The following BFSP2 variants were observed in gnomAD, a reference collection of about 807,000 sequenced individuals.
BFSP2 encodes the protein beaded filament structural protein 2.
Under a neutral mutation model 44.9 loss-of-function variants are expected in BFSP2, and 38 were observed. That is an observed-to-expected ratio of 0.85 (90% CI 0.65 to 1.11). The LOEUF (loss-of-function observed/expected upper bound fraction) is 1.11. Among genes scored for constraint, BFSP2 ranks in the 50% least tolerant of loss-of-function variants. The probability of loss-of-function intolerance (pLI) is 0.00; values close to 1 mark genes in which losing one functional copy is unlikely to be tolerated. For synonymous variants in BFSP2, 197 were observed against 209.9 expected, an observed-to-expected ratio of 0.94 and a Z score of 0.53; for missense variants, 525 against 533.0, an observed-to-expected ratio of 0.99 and a Z score of 0.15.
At position 133,400,315 on chromosome 3, in the gene BFSP2, C is replaced by G; in HGVS notation, c.232C>G (p.Leu78Val). The change falls in exon 1 of 7, where the codon CTC becomes GTC. Residue 78 changes from leucine (L) to valine (V), a missense_variant. By Grantham distance (32) the Leu-to-Val change is conservative (BLOSUM62 1). Coordinates refer to ENST00000302334, the MANE Select transcript of BFSP2 (RefSeq NM_003571.4). This position sits in a 1 kb window ranked among gnomAD's most constrained non-coding sequence, Gnocchi z 4.0. ...GLGARVTRRA[L>V]GISSVFLQGL... Reference sequence around the variant, plus strand: ...GGGTGCCCGTGTGACCCGCCGGGCCCTCGGCATCAGCAGTGTCTTCCTTCA... The same window carrying G: ...GGGTGCCCGTGTGACCCGCCGGGCCGTCGGCATCAGCAGTGTCTTCCTTCA... 3 of 1,614,030 alleles carry G rather than the reference C, an allele frequency of 1.9e-6. No individual in the cohort carries two copies. Among genetic ancestry groups the G allele is most frequent in the Non-Finnish European group, 2.5e-6 (3 of 1,180,042 alleles).
chr3:133,404,510 A>G (rs1024874430), intron 1 of BFSP2, among the ~76,000 whole-genome samples: 5 of 152,316 alleles, frequency 3.3e-5, no homozygotes, highest in African/African-American at 9.6e-5. Context: ...CATCGGTCCA[A>G]TGGCCGGTAA....
At chr3:133,472,217 T>C in intron 5 of BFSP2, 128 bp from the exon 6 acceptor site, 3 of 1,056,254 alleles carry the variant, frequency 2.8e-6, no homozygotes, top group Middle Eastern at 2.5e-4. Context: ...TCTCCATAAC[T>C]GGCAAGGTCC....
In BFSP2 at chr3:133,400,100, T is replaced by A; in HGVS notation, c.17T>A (p.Val6Glu). Residue 6 changes from valine to glutamate, a missense_variant, in exon 1 of 7, where the codon GTG (valine) becomes GAG (glutamate). Coordinates refer to ENST00000302334, the MANE Select transcript of BFSP2 (RefSeq NM_003571.4). This position sits in a 1 kb window ranked among gnomAD's most constrained non-coding sequence, Gnocchi z 4.0. The stretch of plus-strand genomic sequence containing the variant: ...GAAGGGGTGATGAGTGAGAGGCGAG[T>A]GGTAGTGGACTTGCCCACCAGTGCC... The part of the protein sequence containing the change: MSERR[V>E]VVDLPTSASS... 6.2e-7 allele frequency: 1 copy of A among 1,613,584 alleles called. No homozygotes were observed. Among genetic ancestry groups the A allele is most frequent in the Admixed American group, 1.7e-5 (1 of 59,978 alleles).
At chr3:133,416,939 C>G (rs2073539644) in intron 1 of BFSP2, among the ~76,000 whole-genome samples, 1 of 128,576 alleles carries the variant, frequency 7.8e-6, no homozygotes, top group African/African-American at 3.0e-5. Flanking sequence ...CTGCCCTCTA[C>G]TCACCCCGTC....
Position 133,447,410 on chromosome 3 carries a change from A to AC in BFSP2, c.572+12dup, listed in dbSNP as rs753470886. 283 of 1,613,064 alleles carry AC rather than the reference A, an allele frequency of 1.8e-4. No homozygotes were observed. Among genetic ancestry groups the AC allele is most frequent in the Non-Finnish European group, 2.2e-4 (261 of 1,179,334 alleles). ...TGACTTTAAAGAGAGGTAATGTCTT[A>AC]CAGCAGAGGCGACAGTCCCTCCACA... is the stretch of plus-strand genomic sequence containing the variant. On this transcript the variant is annotated intron_variant, in intron 2 of 6. Transcript: ENST00000302334.
chr3:133,472,208 C>A, intron 5 of BFSP2, 137 bp from the exon 6 acceptor site: 1 of 942,608 alleles, frequency 1.1e-6, no homozygotes, highest in Non-Finnish European at 1.6e-6. Context: ...CCCCATCAGT[C>A]TCCATAACTG....
At chr3:133,412,761 G>A (rs1229887487) in intron 1 of BFSP2, among the ~76,000 whole-genome samples, 3 of 152,224 alleles carry the variant, frequency 2.0e-5, no homozygotes, top group Non-Finnish European at 4.4e-5. Context: ...TTCAAGAAAC[G>A]GCCGGTGGTG....
At chr3:133,419,052 T>C (rs1249586523) in intron 1 of BFSP2, among the ~76,000 whole-genome samples, 1 of 152,140 alleles carries the variant, frequency 6.6e-6, no homozygotes. Context: ...GTCAGCAGGA[T>C]TGTTTCTTCT....
intron 4 of BFSP2, among the ~76,000 whole-genome samples, chr3:133,456,530 T>G (rs2074014703): frequency 6.6e-6 from 1 of 152,174 alleles, no homozygotes; most frequent in Non-Finnish European, 1.5e-5. Context: ...GCAGATCGCT[T>G]GAGCCCAGGA....
At chr3:133,458,004 A>G (rs78868197) in intron 4 of BFSP2, among the ~76,000 whole-genome samples, 2,295 of 152,372 alleles carry the variant, frequency 0.015, 60 homozygotes, top group African/African-American at 0.052. Flanking sequence ...AAATGAACTT[A>G]TAGACATGGA....
chr3:133,410,304 G>T, intron 1 of BFSP2: 3 of 380,802 alleles, frequency 7.9e-6, no homozygotes, highest in South Asian at 4.0e-5. Context: ...GTAGCCAGTA[G>T]ACCGGTGCAG....
chr3:133,420,477 C>A lies in BFSP2; in HGVS notation c.489+19905C>A, dbSNP rs569155830. On this transcript the variant is annotated intron_variant, in intron 1 of 6. Coordinates refer to ENST00000302334, the MANE Select transcript of BFSP2 (RefSeq NM_003571.4). ...TTGCCTCTCTGTCCAGATAGAATCA[C>A]CGCGTGCCCTTGTCTCCATCTCCTT... Among the ~76,000 whole-genome samples the A allele has an allele frequency of 2.6e-5, 4 of 152,296 alleles. No homozygotes were observed. The East Asian group carries it at 7.7e-4, about 29-fold the overall frequency.
intron 3 of BFSP2, chr3:133,448,907 G>T: frequency 2.1e-6 from 1 of 487,096 alleles, no homozygotes; most frequent in Non-Finnish European, 3.7e-6. Context: ...TAGCAAATGA[G>T]GGAACTTGTG....
At chr3:133,457,554 A>G (rs2074023396) in intron 4 of BFSP2, among the ~76,000 whole-genome samples, 2 of 152,156 alleles carry the variant, frequency 1.3e-5, no homozygotes, top group Non-Finnish European at 2.9e-5. Flanking sequence ...AGAAATATAT[A>G]TATTTTTTTT....
rs181388646 is a variant in BFSP2 at position 133,455,066 on chromosome 3, C to T, written c.891+4602C>T. Among the ~76,000 whole-genome samples the T allele has an allele frequency of 5.8e-4, 88 of 152,342 alleles. 1 individual carries two copies. In the Middle Eastern group the frequency reaches 0.017, roughly 29 times the overall value. On this transcript the variant is annotated intron_variant, in intron 4 of 6. Transcript: ENST00000302334. ...GCTTTCAGCTCCTGTAACAACAATG[C>T]CTTCTTCTGGAATTCCTCCTGAAGG...
intron 1 of BFSP2, among the ~76,000 whole-genome samples, chr3:133,414,018 C>T (rs569165333): frequency 4.0e-5 from 6 of 151,420 alleles, no homozygotes; most frequent in Admixed American, 1.3e-4. Context: ...TGTCCGCTCC[C>T]GTCTACTCAC....
At chr3:133,441,247 G>T (rs1576581548) in intron 1 of BFSP2, among the ~76,000 whole-genome samples, 1 of 152,034 alleles carries the variant, frequency 6.6e-6, no homozygotes, top group African/African-American at 2.4e-5. Flanking sequence ...TGTTGGCCAG[G>T]CTGGTCTCGA....
chr3:133,470,244 T>C (rs887183734), intron 5 of BFSP2, among the ~76,000 whole-genome samples: 2 of 152,222 alleles, frequency 1.3e-5, no homozygotes, highest in African/African-American at 4.8e-5. Flanking sequence ...AACATTCTCA[T>C]ATCCTATGGA....
intron 1 of BFSP2, among the ~76,000 whole-genome samples, chr3:133,422,341 A>T (rs1475371420): frequency 2.6e-5 from 4 of 152,132 alleles, no homozygotes; most frequent in Non-Finnish European, 5.9e-5. Context: ...CTGCACACAC[A>T]CAGGGAATAG....
Sources: gnomAD v4.1 joint callset for allele counts (sites outside exome capture counted in the v4.1 genomes callset) on GRCh38, gnomAD v4.1.1 for gene constraint, Gnocchi (gnomAD v3.1) non-coding constraint, MANE v1.5 for transcripts, NCBI Gene and HGNC (gene_info 2026-07-23, HGNC 2026-07-21) for gene names.